The following ZNF75D variants were observed in gnomAD, a reference collection of about 807,000 sequenced individuals.
ZNF75D encodes the protein zinc finger protein 75D.
Under a neutral mutation model 33.3 loss-of-function variants are expected in ZNF75D, and 33 were observed. That is an observed-to-expected ratio of 0.99 (90% CI 0.75 to 1.32). ZNF75D has a LOEUF of 1.32. Ranked by LOEUF, ZNF75D falls within the 40% of genes most tolerant of loss-of-function variation. The probability of loss-of-function intolerance (pLI) is 0.00; values close to 1 mark genes in which losing one functional copy is unlikely to be tolerated. For synonymous variants in ZNF75D, 113 were observed against 130.6 expected (o/e 0.87, Z 0.92); for missense variants, 338 against 367.5 (o/e 0.92, Z 0.66).
chrX:135,332,420 T>A (rs1556440813), intron 1 of ZNF75D, among the ~76,000 whole-genome samples: 3 of 110,086 alleles, frequency 2.7e-5, no homozygotes, highest in African/African-American at 1.0e-4. Context: ...GGAGCCCTCA[T>A]GAATAGGATT....
chrX:135,263,332 A>G (rs868973319), intron 1 of ZNF75D, among the ~76,000 whole-genome samples: 1 of 112,477 alleles, frequency 8.9e-6, no homozygotes, highest in East Asian at 2.8e-4. Flanking sequence ...TGCTGGGAGA[A>G]CCACTGCTCT....
At chrX:135,301,231 C>T (rs1055340924) in intron 1 of ZNF75D, among the ~76,000 whole-genome samples, 2 of 111,599 alleles carry the variant, frequency 1.8e-5, no homozygotes, top group African/African-American at 6.5e-5. Context: ...ATGATCCAAT[C>T]GCTTCCCTCA....
In ZNF75D at chrX:135,291,020, A is replaced by G; in HGVS notation, c.812T>C (p.Val271Ala). 8.3e-7 allele frequency: 1 copy of G among 1,207,197 alleles called. No individual in the cohort carries two copies. Among genetic ancestry groups the G allele is most frequent in the Non-Finnish European group, 1.1e-6 (1 of 891,805 alleles). ...NDVMQDIYET[V>A]ISLGLKLKND... The stretch of plus-strand genomic sequence containing the variant: ...GGAAGAATCTTTACCTAGAGAGATG[A>G]CAGTCTCATAGATATCCTGCATTAC... Residue 271 changes from valine (V) to alanine (A), a missense_variant, in exon 6 of 7, where the codon GTC (valine) becomes GCC (alanine). Physicochemically the swap from Val to Ala is moderately conservative, Grantham distance 64. Coordinates refer to ENST00000370766, the MANE Select transcript of ZNF75D (RefSeq NM_007131.5).
At chrX:135,295,350 C>T (rs1325952521) in intron 2 of ZNF75D, among the ~76,000 whole-genome samples, 3 of 111,969 alleles carry the variant, frequency 2.7e-5, no homozygotes, top group Non-Finnish European at 5.6e-5. Flanking sequence ...CAGGAAGTTT[C>T]GCTGAGTGTG....
At chrX:135,311,050 TG>T (rs1301367294) in intron 1 of ZNF75D, among the ~76,000 whole-genome samples, 1 of 112,225 alleles carries the variant, frequency 8.9e-6, no homozygotes, top group Non-Finnish European at 1.9e-5. Context: ...TCAGTCTTTT[TG>T]GTTGAATACC....
At chrX:135,275,278 C>G (rs2083895591) in intron 1 of ZNF75D, among the ~76,000 whole-genome samples, 1 of 112,241 alleles carries the variant, frequency 8.9e-6, no homozygotes. Flanking sequence ...AAGCATGAAG[C>G]TGGATTTAGT....
intron 1 of ZNF75D, among the ~76,000 whole-genome samples, chrX:135,320,777 A>G (rs1423193764): frequency 8.9e-6 from 1 of 111,758 alleles, no homozygotes; most frequent in Non-Finnish European, 1.9e-5. Flanking sequence ...TCCATTTGTT[A>G]CGATGTACAA....
intron 1 of ZNF75D, among the ~76,000 whole-genome samples, chrX:135,273,175 C>T (rs1299504415): frequency 2.7e-5 from 3 of 110,481 alleles, no homozygotes; most frequent in Non-Finnish European, 5.7e-5. Context: ...GGAATATCTC[C>T]CTCTCTCTCT....
chrX:135,323,683 A>C, intron 1 of ZNF75D, among the ~76,000 whole-genome samples: 1 of 112,106 alleles, frequency 8.9e-6, no homozygotes, highest in Non-Finnish European at 1.9e-5. Flanking sequence ...ACACACAGAT[A>C]CATTTGGAAC....
chrX:135,305,040 T>C (rs1357493447), intron 1 of ZNF75D, among the ~76,000 whole-genome samples: 5 of 112,241 alleles, frequency 4.5e-5, no homozygotes, highest in African/African-American at 1.6e-4. Context: ...AGAAGTATGG[T>C]TGGTTATTTG....
rs1194112927 is a variant in ZNF75D at position 135,250,395 on chromosome X, T to A, written n.1297-1094A>T. ...GACCTGGGTCGCTTTAAAAAAAAAA[T>A]TTTTTTAAACATGCTATGTATAGAA... On this transcript the variant is annotated intron_variant and non_coding_transcript_variant, in intron 3 of 3. Transcript: ENST00000494295. 5.3e-4 allele frequency among the ~76,000 whole-genome samples: 50 copies of A among 94,501 alleles called. 5 individuals carry two copies. Among genetic ancestry groups the A allele is most frequent in the African/African-American group, 1.6e-3 (40 of 24,322 alleles). 82.1% of individuals were successfully genotyped at this position (94,501 alleles called of 115,157 possible).
chrX:135,313,609 T>C (rs1310983945), intron 1 of ZNF75D, among the ~76,000 whole-genome samples: 3 of 112,191 alleles, frequency 2.7e-5, no homozygotes, highest in African/African-American at 9.7e-5. Flanking sequence ...TTCTGATCCA[T>C]GAGCATGGAA....
chrX:135,333,039 C>A (rs1233280241), intron 1 of ZNF75D, among the ~76,000 whole-genome samples: 3 of 110,694 alleles, frequency 2.7e-5, no homozygotes, highest in African/African-American at 6.6e-5. Context: ...ATTTGTTGCT[C>A]CAGAAATCAG....
Position 135,293,962 on chromosome X carries a change from G to A in ZNF75D, c.179C>T (p.Ala60Val). Residue 60 changes from alanine to valine, a missense_variant, in exon 3 of 7, where the codon GCA becomes GTA. Physicochemically the swap from Ala to Val is moderately conservative, Grantham distance 64 (BLOSUM62 0). Coordinates refer to ENST00000370766, the MANE Select transcript of ZNF75D (RefSeq NM_007131.5). ...GCTGATAGTCTCAAGCGGTCCGGTT[G>A]CTTCATGATAACGGAAGCTCCAGAA... is the stretch of plus-strand genomic sequence containing the variant. The part of the protein sequence containing the change: ...RHFWSFRYHE[A>V]TGPLETISQL... 1 of 1,211,820 alleles carries A rather than the reference G, an allele frequency of 8.3e-7. No individual in the cohort carries two copies. The highest frequency in any genetic ancestry group is 1.1e-6 in the Non-Finnish European group (1 of 895,402).
At position 135,320,684 on chromosome X, in the gene ZNF75D, T is replaced by C. The variant is rs782031838; in HGVS notation, c.-391+21084A>G. Among the ~76,000 whole-genome samples, 40 of 112,249 alleles carry C rather than the reference T, an allele frequency of 3.6e-4. 1 individual carries two copies. The highest frequency in any genetic ancestry group is 1.3e-3 in the African/African-American group (39 of 30,880). On this transcript the variant is annotated intron_variant, in intron 1 of 6. Coordinates refer to ENST00000370766, the MANE Select transcript of ZNF75D (RefSeq NM_007131.5). ...TTTAGCATCCTCAAAATCTTCACTT[T>C]TTTTCCCTGTGAGCTCTTAACATGG... is the stretch of plus-strand genomic sequence containing the variant.
chrX:135,331,275 C>T (rs893364530), intron 1 of ZNF75D, among the ~76,000 whole-genome samples: 6 of 110,854 alleles, frequency 5.4e-5, no homozygotes, highest in Non-Finnish European at 9.4e-5. Context: ...AGTAGAATCC[C>T]CAGGTGCACT....
At chrX:135,259,012 T>G (rs2083825409) in intron 1 of ZNF75D, among the ~76,000 whole-genome samples, 1 of 112,350 alleles carries the variant, frequency 8.9e-6, no homozygotes, top group Non-Finnish European at 1.9e-5. Flanking sequence ...TTTCTACATA[T>G]GGCTAGCCAG....
intron 1 of ZNF75D, among the ~76,000 whole-genome samples, chrX:135,267,759 C>T (rs782030394): frequency 1.2e-4 from 13 of 108,370 alleles, no homozygotes; most frequent in African/African-American, 4.4e-4. Flanking sequence ...CAAACTCATT[C>T]TGCAAGACCA....
intron 1 of ZNF75D, among the ~76,000 whole-genome samples, chrX:135,308,593 TA>T (rs782268067): frequency 1.8e-5 from 2 of 112,217 alleles, no homozygotes; most frequent in South Asian, 7.4e-4. Flanking sequence ...GCAAGTCCTT[TA>T]ATCTCTCTTG....
Sources: allele counts gnomAD v4.1 joint callset (sites outside exome capture counted in the v4.1 genomes callset), GRCh38; gene constraint gnomAD v4.1.1; transcripts MANE v1.5; gene names NCBI Gene and HGNC (gene_info 2026-07-23, HGNC 2026-07-21).